NOL10: variants seen among roughly 807,000 people sequenced by gnomAD.
NOL10 encodes H_NH0074G24.1.
Under a neutral mutation model 103.5 loss-of-function variants are expected in NOL10, and 58 were observed. The observed-to-expected ratio is 0.56, with a 90% CI of 0.45 to 0.70. The LOEUF is 0.70. Ranked by LOEUF, NOL10 falls within the 30% of genes least tolerant of loss-of-function variation. The pLI is 0.00. For missense variants in NOL10, 763 were observed against 807.3 expected, an observed-to-expected ratio of 0.95 and a Z score of 0.67; for synonymous variants, 287 against 282.5, an observed-to-expected ratio of 1.02 and a Z score of -0.16.
chr2:10,684,592 C>G lies in NOL10; in HGVS notation c.87G>C (p.Lys29Asn). 1 of 1,573,154 alleles carries G rather than the reference C, an allele frequency of 6.4e-7. No individual in the cohort carries two copies. The highest frequency in any genetic ancestry group is 1.7e-4 in the Middle Eastern group (1 of 6,024). Residue 29 changes from lysine (K) to asparagine (N), a missense_variant, in exon 2 of 21, where the codon AAG becomes AAC. Transcript: ENST00000381685. ...SLPEWLSDRKKRALQKKDVDV... is the reference protein window; with the variant it reads ...SLPEWLSDRKNRALQKKDVDV... ...CTACATCTTTCTTCTGTAGCGCTCTCTTCTTCCTATCAGAAAGCCACTTAA... is the reference window on the plus strand; with the variant it reads ...CTACATCTTTCTTCTGTAGCGCTCTGTTCTTCCTATCAGAAAGCCACTTAA...
chr2:10,596,241 T>C (rs1380841265), intron 17 of NOL10, among the ~76,000 whole-genome samples: 1 of 99,520 alleles, frequency 1.0e-5, no homozygotes, highest in Admixed American at 1.2e-4. Context: ...AAGACAAGTT[T>C]TCCACAGATG....
Position 10,571,573 on chromosome 2 carries a change from C to T in NOL10, c.*498G>A, listed in dbSNP as rs1674180488. ...TTTAAAAACAAATCCCAAACTAATA[C>T]ATAAACAAGCCGAACAAACCTATCA... On this transcript the variant is annotated 3_prime_UTR_variant, in exon 21 of 21. Coordinates refer to ENST00000381685, the MANE Select transcript of NOL10 (RefSeq NM_024894.4). The T allele has an allele frequency of 6.5e-6, 1 of 153,116 alleles. No homozygotes were observed. The highest frequency in any genetic ancestry group is 1.5e-5 in the Non-Finnish European group (1 of 68,706). 9.5% of individuals were successfully genotyped at this position (153,116 alleles called of 1,614,324 possible).
intron 19 of NOL10, among the ~76,000 whole-genome samples, chr2:10,587,730 T>C (rs906514200): frequency 2.0e-5 from 3 of 152,146 alleles, no homozygotes; most frequent in Admixed American, 2.0e-4. Flanking sequence ...AAGGATTCAC[T>C]ACATCTGGTG....
intron 17 of NOL10, among the ~76,000 whole-genome samples, chr2:10,597,268 C>T (rs1207894928): frequency 2.0e-5 from 3 of 152,124 alleles, no homozygotes; most frequent in Non-Finnish European, 2.9e-5. Context: ...ACATCTTATT[C>T]GATTTTTGTG....
chr2:10,639,778 C>T (rs771937566), intron 13 of NOL10, among the ~76,000 whole-genome samples: 2 of 151,846 alleles, frequency 1.3e-5, no homozygotes, highest in African/African-American at 4.8e-5. Context: ...AAGCTGCAGA[C>T]GAATTAGACC....
At chr2:10,616,642 A>C (rs1676850520) in intron 13 of NOL10, among the ~76,000 whole-genome samples, 1 of 151,962 alleles carries the variant, frequency 6.6e-6, no homozygotes, top group Non-Finnish European at 1.5e-5. Context: ...TCAACCTCCC[A>C]GGTTCAAGCA....
intron 16 of NOL10, among the ~76,000 whole-genome samples, 152 bp from the exon 17 acceptor site, chr2:10,601,094 C>T (rs1484465001): frequency 4.0e-5 from 6 of 151,696 alleles, no homozygotes; most frequent in African/African-American, 1.2e-4. Flanking sequence ...GATGGAGTCT[C>T]GCTCTGTCAC....
At chr2:10,634,981 G>C (rs568616804) in intron 13 of NOL10, among the ~76,000 whole-genome samples, 1 of 152,262 alleles carries the variant, frequency 6.6e-6, no homozygotes, top group South Asian at 2.1e-4. Flanking sequence ...AGGCTGAGTA[G>C]CCTGTTTCTA....
chr2:10,577,456 C>T (rs1674511440), intron 20 of NOL10, among the ~76,000 whole-genome samples, 180 bp downstream of exon 20: 1 of 152,220 alleles, frequency 6.6e-6, no homozygotes, highest in African/African-American at 2.4e-5. Context: ...GCTGCAGTCA[C>T]ACACTGTGCT....
intron 17 of NOL10, among the ~76,000 whole-genome samples, chr2:10,598,362 G>T (rs1227493607): frequency 2.0e-5 from 3 of 152,114 alleles, no homozygotes; most frequent in Admixed American, 2.0e-4. Flanking sequence ...TTACAAAAAA[G>T]AATAATTTAC....
chr2:10,625,843 A>G (rs1009674080), intron 13 of NOL10, among the ~76,000 whole-genome samples: 1 of 152,014 alleles, frequency 6.6e-6, no homozygotes, highest in African/African-American at 2.4e-5. Flanking sequence ...CCTCTAACCA[A>G]TGAGAGACAA....
At chr2:10,663,204 T>C (rs947008127) in intron 8 of NOL10, among the ~76,000 whole-genome samples, 160 bp from the exon 9 acceptor site, 2 of 152,016 alleles carry the variant, frequency 1.3e-5, no homozygotes, top group African/African-American at 2.4e-5. Flanking sequence ...CTGTTTCTAC[T>C]AAAAATACAA....
At chr2:10,596,912 A>G (rs1675721818) in intron 17 of NOL10, among the ~76,000 whole-genome samples, 1 of 152,224 alleles carries the variant, frequency 6.6e-6, no homozygotes, top group Admixed American at 6.5e-5. Flanking sequence ...TGCCTCTCAA[A>G]GCTGTTTGTG....
intron 12 of NOL10, among the ~76,000 whole-genome samples, chr2:10,652,414 GA>G (rs1337322070): frequency 7.7e-5 from 11 of 142,534 alleles, no homozygotes; most frequent in East Asian, 6.1e-4. Context: ...AAAGAAAAAA[GA>G]AAAAAAAAAG....
At chr2:10,682,306 A>T (rs1369136264) in intron 2 of NOL10, among the ~76,000 whole-genome samples, 2 of 152,152 alleles carry the variant, frequency 1.3e-5, no homozygotes, top group Non-Finnish European at 2.9e-5. Flanking sequence ...TTTCAAGAAT[A>T]AAAAAAGTAG....
At chr2:10,572,868 G>A (rs1045286472) in intron 20 of NOL10, among the ~76,000 whole-genome samples, 33 of 152,130 alleles carry the variant, frequency 2.2e-4, no homozygotes. Flanking sequence ...GCTCACATTT[G>A]TCCTCAATGC....
At chr2:10,636,816 G>T (rs1470268858) in intron 13 of NOL10, among the ~76,000 whole-genome samples, 3 of 152,152 alleles carry the variant, frequency 2.0e-5, no homozygotes, top group Non-Finnish European at 4.4e-5. Context: ...AACAGTCATT[G>T]ACATAGTCAT....
At chr2:10,587,080 T>TATATAC (rs1553296074) in intron 19 of NOL10, among the ~76,000 whole-genome samples, 723 of 46,108 alleles carry the variant, frequency 0.016, 199 homozygotes, top group Non-Finnish European at 0.027. Flanking sequence ...TATATATACA[T>TATATAC]ATATATACAT....
intron 17 of NOL10, among the ~76,000 whole-genome samples, chr2:10,592,444 A>G (rs1007250190): frequency 6.6e-6 from 1 of 152,184 alleles, no homozygotes; most frequent in Non-Finnish European, 1.5e-5. Context: ...ACCAGGATTC[A>G]GACGGACACC....
Sources: gnomAD v4.1 joint callset for allele counts (sites outside exome capture counted in the v4.1 genomes callset) on GRCh38, gnomAD v4.1.1 for gene constraint, MANE v1.5 for transcripts, NCBI Gene and HGNC (gene_info 2026-07-23, HGNC 2026-07-21) for gene names.